RBFOX1: variants seen among roughly 807,000 people sequenced by gnomAD.
The protein encoded by RBFOX1 is RNA binding fox-1 homolog 1, also known as RNA binding protein fox-1 homolog 1.
Under a neutral mutation model 57.7 loss-of-function variants are expected in RBFOX1, and 8 were observed. That is an observed-to-expected ratio of 0.14 (90% CI 0.08 to 0.25). The LOEUF is 0.25. RBFOX1 is among the 10% of genes least tolerant of loss of function. The probability of loss-of-function intolerance (pLI) is 1.00; values close to 1 mark genes in which losing one functional copy is unlikely to be tolerated. For missense variants in RBFOX1, 611 were observed against 548.5 expected, an observed-to-expected ratio of 1.11 and a Z score of -1.14; for synonymous variants, 326 against 222.4, an observed-to-expected ratio of 1.47 and a Z score of -4.15.
intron 4 of RBFOX1, among the ~76,000 whole-genome samples, chr16:7,414,367 CAA>C (rs1250625420): frequency 2.0e-5 from 3 of 151,920 alleles, no homozygotes; most frequent in Non-Finnish European, 2.9e-5. Context: ...GATTGGTGGT[CAA>C]AAGTCTTTCT....
At chr16:5,504,243 T>G (rs147413266) in intron 2 of RBFOX1, among the ~76,000 whole-genome samples, 41 of 152,308 alleles carry the variant, frequency 2.7e-4, no homozygotes, top group African/African-American at 9.9e-4. Context: ...CCTTCCCTGA[T>G]CCCTGAGAGC....
chr16:6,915,396 C>T (rs1567859727), intron 3 of RBFOX1, among the ~76,000 whole-genome samples: 1 of 152,194 alleles, frequency 6.6e-6, no homozygotes, highest in East Asian at 1.9e-4. Flanking sequence ...AAGCATGTCA[C>T]TTCTGAACTG....
intron 2 of RBFOX1, among the ~76,000 whole-genome samples, chr16:5,553,478 G>A (rs1387160010): frequency 5.3e-5 from 8 of 151,950 alleles, no homozygotes; most frequent in Non-Finnish European, 1.0e-4. Flanking sequence ...ACCACGCCTG[G>A]CTAATTTTTT....
At chr16:7,341,358 T>C (rs1030389996) in intron 4 of RBFOX1, among the ~76,000 whole-genome samples, 4 of 152,174 alleles carry the variant, frequency 2.6e-5, no homozygotes, top group African/African-American at 9.7e-5. Context: ...ATGAAACTCA[T>C]TCATTTATTA....
In RBFOX1 at chr16:5,929,751, T is replaced by C. The variant is rs183641935; in HGVS notation, c.351+62416T>C. Among the ~76,000 whole-genome samples, 238 of 152,276 alleles carry C rather than the reference T, an allele frequency of 1.6e-3. 2 individuals are homozygous for C. Among genetic ancestry groups the C allele is most frequent in the African/African-American group, 5.6e-3 (234 of 41,560 alleles). On this transcript the variant is annotated intron_variant, in intron 4 of 19. Coordinates refer to the RBFOX1 transcript ENST00000641259. Reference sequence around the variant, plus strand: ...GGGAATAATGATAGATTTACACACATGCATACCTAGTCACTTGCTGTGTGC... The same window carrying C: ...GGGAATAATGATAGATTTACACACACGCATACCTAGTCACTTGCTGTGTGC...
At chr16:6,146,270 G>C (rs181976421) in intron 1 of RBFOX1, among the ~76,000 whole-genome samples, 1 of 152,116 alleles carries the variant, frequency 6.6e-6, no homozygotes, top group African/African-American at 2.4e-5. Flanking sequence ...AGGAATCCAC[G>C]CTTCTTTTTA....
intron 1 of RBFOX1, among the ~76,000 whole-genome samples, chr16:5,319,774 T>C (rs192846072): frequency 6.6e-6 from 1 of 152,282 alleles, no homozygotes; most frequent in East Asian, 1.9e-4. Flanking sequence ...CAGTTTATGG[T>C]AGATGCTGGT....
chr16:5,771,773 G>C (rs573543886), intron 3 of RBFOX1, among the ~76,000 whole-genome samples: 1 of 152,320 alleles, frequency 6.6e-6, no homozygotes, highest in South Asian at 2.1e-4. Context: ...TTCTTGCTCT[G>C]TATGTTGTAG....
At chr16:5,641,713 G>A (rs1215368965) in intron 3 of RBFOX1, among the ~76,000 whole-genome samples, 1 of 152,200 alleles carries the variant, frequency 6.6e-6, no homozygotes, top group Non-Finnish European at 1.5e-5. Flanking sequence ...TGTTGACTTT[G>A]TCTTAGGAAT....
chr16:5,976,631 G>A (rs1292623506), intron 4 of RBFOX1, among the ~76,000 whole-genome samples: 2 of 152,152 alleles, frequency 1.3e-5, no homozygotes, highest in Non-Finnish European at 2.9e-5. Flanking sequence ...GACTTTGGGA[G>A]GCCGAGGTAG....
chr16:6,856,691 A>G (rs1031661218), intron 3 of RBFOX1, among the ~76,000 whole-genome samples: 1 of 152,134 alleles, frequency 6.6e-6, no homozygotes, highest in Non-Finnish European at 1.5e-5. Context: ...TACAAATTCC[A>G]TTTAATAAGT....
intron 3 of RBFOX1, among the ~76,000 whole-genome samples, chr16:5,718,456 A>G (rs1315370081): frequency 6.6e-6 from 1 of 152,244 alleles, no homozygotes; most frequent in African/African-American, 2.4e-5. Context: ...TTTTGATGAT[A>G]GCTAACTGAT....
chr16:5,332,770 G>C (rs1567345795), intron 1 of RBFOX1, among the ~76,000 whole-genome samples: 1 of 151,626 alleles, frequency 6.6e-6, no homozygotes, highest in Non-Finnish European at 1.5e-5. Flanking sequence ...AAATACAAGG[G>C]CAGTTTTATA....
chr16:7,520,736 T>C (rs2077351323), intron 5 of RBFOX1, among the ~76,000 whole-genome samples: 1 of 152,184 alleles, frequency 6.6e-6, no homozygotes, highest in African/African-American at 2.4e-5. Context: ...TACCAGGTAG[T>C]AGTGATGGGG....
chr16:6,778,226 A>G (rs2079723705), intron 3 of RBFOX1, among the ~76,000 whole-genome samples: 1 of 152,172 alleles, frequency 6.6e-6, no homozygotes, highest in African/African-American at 2.4e-5. Flanking sequence ...TCAGTAAATT[A>G]AAACATTAAT....
At chr16:6,723,013 C>A (rs2066340203) in intron 3 of RBFOX1, among the ~76,000 whole-genome samples, 1 of 152,130 alleles carries the variant, frequency 6.6e-6, no homozygotes, top group Non-Finnish European at 1.5e-5. Flanking sequence ...AAGTAGCTCC[C>A]ATCAGAGATA....
chr16:7,022,061 C>CCCTTT (rs1208643639), intron 3 of RBFOX1, among the ~76,000 whole-genome samples: 13 of 112,306 alleles, frequency 1.2e-4, no homozygotes, highest in African/African-American at 4.6e-4. Context: ...CTTCCCCCTC[C>CCCTTT]CCTTTCCTTT....
intron 3 of RBFOX1, among the ~76,000 whole-genome samples, chr16:6,958,663 T>G (rs2082341621): frequency 1.3e-5 from 2 of 152,204 alleles, no homozygotes; most frequent in Admixed American, 1.3e-4. Flanking sequence ...AATGGGAAGT[T>G]AATATGGAAT....
chr16:5,570,289 G>T (rs1182511771), intron 2 of RBFOX1, among the ~76,000 whole-genome samples: 1 of 152,080 alleles, frequency 6.6e-6, no homozygotes, highest in Non-Finnish European at 1.5e-5. Context: ...TTTGTCATTT[G>T]CAAGCTGTGT....
Sources: gnomAD v4.1 joint callset for allele counts (sites outside exome capture counted in the v4.1 genomes callset) on GRCh38, gnomAD v4.1.1 for gene constraint, MANE v1.5 for transcripts, NCBI Gene and HGNC (gene_info 2026-07-23, HGNC 2026-07-21) for gene names.